The following FSTL5 variants were observed in gnomAD, a reference collection of about 807,000 sequenced individuals.
FSTL5 encodes the protein follistatin like 5.
FSTL5 carries 62 observed loss-of-function variants against 89.1 expected under a neutral mutation model. That is an observed-to-expected ratio of 0.70 (90% CI 0.57 to 0.86). The LOEUF is 0.86. Among genes scored for constraint, FSTL5 ranks in the 40% least tolerant of loss-of-function variants. The pLI is 0.00. For missense variants in FSTL5, 1,057 were observed against 1,001.6 expected, an observed-to-expected ratio of 1.06 and a Z score of -0.75; for synonymous variants, 383 against 346.2, an observed-to-expected ratio of 1.11 and a Z score of -1.18.
chr4:161,527,080 A>T (rs1333467940), intron 10 of FSTL5, among the ~76,000 whole-genome samples: 1 of 152,150 alleles, frequency 6.6e-6, no homozygotes, highest in African/African-American at 2.4e-5. Context: ...ATGAGCAAGG[A>T]ATGTTCTTCC....
At chr4:161,678,294 A>C (rs1018800349) in intron 6 of FSTL5, among the ~76,000 whole-genome samples, 5 of 151,942 alleles carry the variant, frequency 3.3e-5, no homozygotes, top group Non-Finnish European at 7.4e-5. Context: ...AAAACAATTA[A>C]ATTAATTAAA....
At chr4:161,417,058 T>A (rs2110955084) in intron 15 of FSTL5, among the ~76,000 whole-genome samples, 1 of 152,276 alleles carries the variant, frequency 6.6e-6, no homozygotes, top group East Asian at 1.9e-4. Context: ...ATATTTATAT[T>A]AATTTGTCTA....
chr4:161,737,810 T>C (rs2126768369), intron 6 of FSTL5, among the ~76,000 whole-genome samples: 1 of 150,786 alleles, frequency 6.6e-6, no homozygotes, highest in Admixed American at 6.6e-5. Context: ...AAAAAAAATG[T>C]TGGGGAGCAG....
At chr4:161,946,227 T>A (rs1044931558) in intron 3 of FSTL5, among the ~76,000 whole-genome samples, 2 of 152,152 alleles carry the variant, frequency 1.3e-5, no homozygotes, top group Non-Finnish European at 2.9e-5. Context: ...CATTCTCCAA[T>A]CTTGTCTGGT....
chr4:161,914,156 C>T (rs536527301), intron 4 of FSTL5, among the ~76,000 whole-genome samples: 2 of 152,224 alleles, frequency 1.3e-5, no homozygotes, highest in East Asian at 3.9e-4. Flanking sequence ...AATATTTGAA[C>T]TGACGAAATG....
At chr4:161,590,869 A>C (rs1733792390) in intron 7 of FSTL5, among the ~76,000 whole-genome samples, 1 of 152,206 alleles carries the variant, frequency 6.6e-6, no homozygotes, top group South Asian at 2.1e-4. Context: ...GTTACTTAGG[A>C]CTAGCAATTC....
intron 15 of FSTL5, among the ~76,000 whole-genome samples, chr4:161,431,134 G>C (rs921463028): frequency 6.6e-6 from 1 of 152,120 alleles, no homozygotes; most frequent in Non-Finnish European, 1.5e-5. Flanking sequence ...GTAATAGTAA[G>C]TACACAGAAA....
At chr4:161,861,634 A>AT (rs1241788156) in intron 4 of FSTL5, among the ~76,000 whole-genome samples, 2 of 152,158 alleles carry the variant, frequency 1.3e-5, no homozygotes, top group Non-Finnish European at 2.9e-5. Context: ...GTAGCATTAT[A>AT]TTTTTTGATA....
intron 4 of FSTL5, among the ~76,000 whole-genome samples, chr4:161,897,955 T>C (rs890990458): frequency 6.6e-6 from 1 of 151,796 alleles, no homozygotes; most frequent in Non-Finnish European, 1.5e-5. Flanking sequence ...TTTTCTAAAA[T>C]GTCATATAAT....
At chr4:161,836,460 T>TAA in intron 4 of FSTL5, among the ~76,000 whole-genome samples, 1 of 117,762 alleles carries the variant, frequency 8.5e-6, no homozygotes, top group African/African-American at 3.1e-5. Flanking sequence ...ATAACAATAA[T>TAA]AAAAAAAAAA....
chr4:161,778,092 T>TCTCACA (rs1011422663), intron 4 of FSTL5, among the ~76,000 whole-genome samples: 5 of 148,348 alleles, frequency 3.4e-5, no homozygotes, highest in Middle Eastern at 3.5e-3. Context: ...AGACTCCGTA[T>TCTCACA]CACACACACA....
chr4:161,668,574 G>A (rs1323775700), intron 6 of FSTL5, among the ~76,000 whole-genome samples: 4 of 152,036 alleles, frequency 2.6e-5, no homozygotes, highest in African/African-American at 9.7e-5. Flanking sequence ...AAAGAAAGCT[G>A]CATAAAAATA....
chr4:161,419,289 C>T (rs1459986282), intron 15 of FSTL5, among the ~76,000 whole-genome samples: 2 of 152,022 alleles, frequency 1.3e-5, no homozygotes, highest in Non-Finnish European at 2.9e-5. Flanking sequence ...TTTCTTCTGT[C>T]TAAACCATAC....
rs558100128 is a variant in FSTL5, at chr4:161,865,819, T to C, written c.409+54585A>G. 3.9e-5 allele frequency among the ~76,000 whole-genome samples: 6 copies of C among 152,342 alleles called. No individual in the cohort carries two copies. The East Asian group carries it at 1.2e-3, about 29-fold the overall frequency. ...AAAACTTTAATTTTCTTTGCTGCCA[T>C]TGCTTGAAACATGTTGGAAGTGCAA... On this transcript the variant is annotated intron_variant, in intron 4 of 15. Transcript: ENST00000306100.
intron 6 of FSTL5, among the ~76,000 whole-genome samples, chr4:161,756,326 T>C (rs7668623): frequency 0.067 from 10,229 of 152,122 alleles, 582 homozygotes; most frequent in African/African-American, 0.16. Flanking sequence ...TTTATGACTA[T>C]TAAAAATGTA....
At chr4:161,758,077 A>T (rs1014104555) in intron 6 of FSTL5, among the ~76,000 whole-genome samples, 6 of 152,224 alleles carry the variant, frequency 3.9e-5, no homozygotes, top group Non-Finnish European at 5.9e-5. Context: ...TTTTATCGTG[A>T]TTTAAAAATT....
At chr4:161,663,852 C>T (rs1431255327) in intron 6 of FSTL5, among the ~76,000 whole-genome samples, 3 of 152,206 alleles carry the variant, frequency 2.0e-5, no homozygotes, top group African/African-American at 4.8e-5. Flanking sequence ...CAGGCATTTC[C>T]ACACAGCCTT....
chr4:161,861,995 T>G (rs1055862717), intron 4 of FSTL5, among the ~76,000 whole-genome samples: 1 of 152,190 alleles, frequency 6.6e-6, no homozygotes, highest in South Asian at 2.1e-4. Context: ...TCAGTTTCCC[T>G]CTTTGGGAGA....
chr4:161,992,564 A>G (rs1736142438), intron 3 of FSTL5, among the ~76,000 whole-genome samples: 1 of 151,752 alleles, frequency 6.6e-6, no homozygotes, highest in Admixed American at 6.6e-5. Context: ...TAGTGGAAGC[A>G]GGGCGCGGTG....
Sources: allele counts gnomAD v4.1 joint callset (sites outside exome capture counted in the v4.1 genomes callset), GRCh38; gene constraint gnomAD v4.1.1; transcripts MANE v1.5; gene names NCBI Gene and HGNC (gene_info 2026-07-23, HGNC 2026-07-21).